PPP1R13B: variants seen among roughly 807,000 people sequenced by gnomAD.
The protein encoded by PPP1R13B is apoptosis-stimulating of p53 protein 1.
A neutral mutation model predicts 119.8 loss-of-function variants in PPP1R13B; 44 were observed. That is an observed-to-expected ratio of 0.37 (90% CI 0.29 to 0.47). PPP1R13B has a LOEUF of 0.47. Among genes scored for constraint, PPP1R13B ranks in the 20% least tolerant of loss-of-function variants. The pLI is 0.99. For missense variants in PPP1R13B, 1,227 were observed against 1,413.5 expected (o/e 0.87, Z 2.12); for synonymous variants, 542 against 561.5 (o/e 0.97, Z 0.49).
chr14:103,810,315 A>G (rs1330758092), intron 1 of PPP1R13B, among the ~76,000 whole-genome samples: 1 of 151,968 alleles, frequency 6.6e-6, no homozygotes, highest in Admixed American at 6.6e-5. Context: ...CCGGCTACTC[A>G]GGAGGCTGAG....
rs546226947 is a variant in PPP1R13B at position 103,734,619 on chromosome 14, T to A, written c.*535A>T. On this transcript the variant is annotated 3_prime_UTR_variant, in exon 17 of 17. Coordinates refer to ENST00000202556, the MANE Select transcript of PPP1R13B (RefSeq NM_015316.3). ...CGAGCAGAGTGGGTACTGGGAGGCATACACACTGGGCAGCAACACTGGACA... is the reference window on the plus strand; with the variant it reads ...CGAGCAGAGTGGGTACTGGGAGGCAAACACACTGGGCAGCAACACTGGACA... The A allele has an allele frequency of 2.2e-6, 1 of 456,498 alleles. No individual in the cohort carries two copies. The highest frequency in any genetic ancestry group is 2.3e-5 in the Admixed American group (1 of 42,578). The allele number at this position is 456,498 out of a possible 1,614,324, so 28.3% of individuals were successfully genotyped here.
Position 103,847,320 on chromosome 14 carries a change from C to T in PPP1R13B, c.-13G>A, listed in dbSNP as rs745444151. 8.2e-7 allele frequency: 1 copy of T among 1,216,618 alleles called. No homozygotes were observed. The highest frequency in any genetic ancestry group is 1.7e-5 in the South Asian group (1 of 58,084). 75.4% of individuals were successfully genotyped at this position (1,216,618 alleles called of 1,614,324 possible). On this transcript the variant is annotated 5_prime_UTR_variant, in exon 1 of 17. Transcript: ENST00000202556. ...CCACCGGCATCATCGCGGGGAGAGTCCGCGACGCCCTCGGCCGCCGCCTGA... is the reference window on the plus strand; with the variant it reads ...CCACCGGCATCATCGCGGGGAGAGTTCGCGACGCCCTCGGCCGCCGCCTGA...
At chr14:103,737,912 G>T (rs774589357) in intron 14 of PPP1R13B, 52 bp from the exon 15 acceptor site, 26 of 1,553,080 alleles carry the variant, frequency 1.7e-5, no homozygotes, top group Non-Finnish European at 2.2e-5. Flanking sequence ...TGTCCTGTAG[G>T]ACGTGGCCCT....
chr14:103,735,462 G>A (rs2084080360), intron 16 of PPP1R13B, among the ~76,000 whole-genome samples: 1 of 152,188 alleles, frequency 6.6e-6, no homozygotes, highest in African/African-American at 2.4e-5. Flanking sequence ...AAGGTCATAA[G>A]CTCCCCTGGG....
intron 3 of PPP1R13B, among the ~76,000 whole-genome samples, chr14:103,779,822 A>G (rs972830354): frequency 6.6e-6 from 1 of 152,024 alleles, no homozygotes; most frequent in Admixed American, 6.6e-5. Context: ...CATTCATATT[A>G]CCAAGAGAGG....
chr14:103,758,757 A>G (rs566695627), intron 4 of PPP1R13B, among the ~76,000 whole-genome samples: 48 of 152,306 alleles, frequency 3.2e-4, no homozygotes, highest in Middle Eastern at 3.4e-3. Context: ...GAGGCCACAC[A>G]GTTCCTCCTC....
At chr14:103,750,021 G>T in intron 7 of PPP1R13B, 87 bp from the exon 8 acceptor site, 1 of 1,447,246 alleles carries the variant, frequency 6.9e-7, no homozygotes, top group African/African-American at 1.4e-5. Context: ...AGAAAAAGTA[G>T]CATTAAGTTC....
At chr14:103,838,655 TGGCTAA>T (rs2086832956) in intron 1 of PPP1R13B, among the ~76,000 whole-genome samples, 1 of 152,200 alleles carries the variant, frequency 6.6e-6, no homozygotes, top group Non-Finnish European at 1.5e-5. Context: ...ATGGTGGAGT[TGGCTAA>T]GGCAGAGACG....
Position 103,737,761 on chromosome 14 carries a change from A to G in PPP1R13B, c.2964T>C (p.Ile988=), listed in dbSNP as rs1281919117. The change falls in exon 15 of 17, where the codon ATT becomes ATC. Residue 988 remains isoleucine, a synonymous_variant. Coordinates refer to ENST00000202556, the MANE Select transcript of PPP1R13B (RefSeq NM_015316.3). ...CCTCACACTTGTCTGCAGCAGTTTCAATGTCGCTTATGGTTGAGGCAAAAA... is the reference window on the plus strand; with the variant it reads ...CCTCACACTTGTCTGCAGCAGTTTCGATGTCGCTTATGGTTGAGGCAAAAA... ...AAIFASTISD[I]ETAADKCEEM... is the part of the protein sequence containing the mutation. The G allele has an allele frequency of 6.2e-7, 1 of 1,614,102 alleles. No individual in the cohort carries two copies. The highest frequency in any genetic ancestry group is 2.2e-5 in the East Asian group (1 of 44,896).
Position 103,741,770 on chromosome 14 carries a change from A to T in PPP1R13B, c.1822+20T>A, listed in dbSNP as rs552337227. On this transcript the variant is annotated intron_variant, in intron 11 of 16. Coordinates refer to ENST00000202556, the MANE Select transcript of PPP1R13B (RefSeq NM_015316.3). Reference sequence around the variant, plus strand: ...ATAATTTCCTAGCCCCAAGAAAAGGAGAGTATAAACCCACTCTACCTGCTT... The same window carrying T: ...ATAATTTCCTAGCCCCAAGAAAAGGTGAGTATAAACCCACTCTACCTGCTT... The T allele has an allele frequency of 6.3e-7, 1 of 1,585,548 alleles. No homozygotes were observed. The highest frequency in any genetic ancestry group is 1.1e-5 in the South Asian group (1 of 87,668).
chr14:103,742,872 A>T lies in PPP1R13B; in HGVS notation c.1151-49T>A. 2 of 1,599,292 alleles carry T rather than the reference A, an allele frequency of 1.3e-6. No homozygotes were observed. The highest frequency in any genetic ancestry group is 8.5e-7 in the Non-Finnish European group (1 of 1,169,828). Reference sequence around the variant, plus strand: ...GTAAAACTTTTCTCAATGTAGTTGAACCAACCTAAGAATAACACTCTGCCA... The same window carrying T: ...GTAAAACTTTTCTCAATGTAGTTGATCCAACCTAAGAATAACACTCTGCCA... On this transcript the variant is annotated intron_variant, in intron 9 of 16. Coordinates refer to ENST00000202556, the MANE Select transcript of PPP1R13B (RefSeq NM_015316.3). This position sits in a 1 kb window ranked among gnomAD's most constrained non-coding sequence, Gnocchi z 4.9.
chr14:103,839,487 C>T (rs938426740), intron 1 of PPP1R13B, among the ~76,000 whole-genome samples: 8 of 151,850 alleles, frequency 5.3e-5, no homozygotes, highest in South Asian at 2.1e-4. Flanking sequence ...ATTAGCCGGG[C>T]GTGGTGGTGC....
chr14:103,799,063 G>C (rs6576001), intron 1 of PPP1R13B, among the ~76,000 whole-genome samples: 4,636 of 152,150 alleles, frequency 0.03, 208 homozygotes, highest in African/African-American at 0.098. Flanking sequence ...GCAATGTCGC[G>C]ATCTTGGTTC....
At position 103,734,930 on chromosome 14, in the gene PPP1R13B, G is replaced by T; in HGVS notation, c.*224C>A. The T allele has an allele frequency of 1.5e-6, 1 of 677,042 alleles. No homozygotes were observed. The highest frequency in any genetic ancestry group is 2.7e-6 in the Non-Finnish European group (1 of 370,310). The allele number at this position is 677,042 out of a possible 1,614,324, so 41.9% of individuals were successfully genotyped here. A position where few individuals can be genotyped will look rare whatever the true frequency, so the allele number is the denominator to read the frequency against. ...GTATTTATTTGGATTTATAGTAATTGGCAAAATTCAGTCCTTGGAGGCGAA... is the reference window on the plus strand; with the variant it reads ...GTATTTATTTGGATTTATAGTAATTTGCAAAATTCAGTCCTTGGAGGCGAA... On this transcript the variant is annotated 3_prime_UTR_variant, in exon 17 of 17. Transcript: ENST00000202556.
chr14:103,746,226 C>T (rs1436117458), intron 9 of PPP1R13B, 147 bp downstream of exon 9: 1 of 808,376 alleles, frequency 1.2e-6, no homozygotes, highest in African/African-American at 1.7e-5. Flanking sequence ...ACACAGCTCT[C>T]CAAGCGCCTC....
chr14:103,809,552 C>T (rs894855965), intron 1 of PPP1R13B, among the ~76,000 whole-genome samples: 5 of 151,924 alleles, frequency 3.3e-5, no homozygotes, highest in African/African-American at 1.2e-4. Flanking sequence ...TTGGGTGTGG[C>T]GGCTCACACC....
At chr14:103,739,760 C>T in intron 12 of PPP1R13B, 64 bp downstream of exon 12, 2 of 1,498,354 alleles carry the variant, frequency 1.3e-6, no homozygotes, top group South Asian at 2.7e-5. Flanking sequence ...AGGGAAGGAC[C>T]CCAGAGGTCC....
At chr14:103,842,953 G>A (rs2086943214) in intron 1 of PPP1R13B, among the ~76,000 whole-genome samples, 1 of 152,022 alleles carries the variant, frequency 6.6e-6, no homozygotes, top group Non-Finnish European at 1.5e-5. Context: ...CTCCAGCCTG[G>A]GCAACAGAGT....
chr14:103,839,303 C>T (rs1210024145), intron 1 of PPP1R13B, among the ~76,000 whole-genome samples: 1 of 151,856 alleles, frequency 6.6e-6, no homozygotes, highest in Non-Finnish European at 1.5e-5. Flanking sequence ...TGAGCCACAG[C>T]ACCCAGCCCA....
Sources: allele counts gnomAD v4.1 joint callset (sites outside exome capture counted in the v4.1 genomes callset), GRCh38; gene constraint gnomAD v4.1.1; non-coding constraint Gnocchi (gnomAD v3.1); transcripts MANE v1.5; gene names NCBI Gene and HGNC (gene_info 2026-07-23, HGNC 2026-07-21).